RGS7: variants seen among roughly 807,000 people sequenced by gnomAD.
RGS7 encodes the protein regulator of G-protein signaling 7.
A neutral mutation model predicts 81.1 loss-of-function variants in RGS7; 27 were observed. The ratio of observed to expected loss-of-function variants is 0.33; its 90% CI spans 0.25 to 0.46. The LOEUF is 0.46. RGS7 is among the 20% of genes least tolerant of loss of function. The probability of loss-of-function intolerance (pLI) is 1.00; values close to 1 mark genes in which losing one functional copy is unlikely to be tolerated. For missense variants in RGS7, 396 were observed against 607.4 expected (o/e 0.65, Z 3.66); for synonymous variants, 208 against 207.7 (o/e 1.00, Z -0.01).
At chr1:240,783,020 A>G (rs1296453030) in intron 18 of RGS7, among the ~76,000 whole-genome samples, 1 of 152,214 alleles carries the variant, frequency 6.6e-6, no homozygotes, top group Non-Finnish European at 1.5e-5. Context: ...TAATGGAAAT[A>G]TGCTAGAAAA....
intron 9 of RGS7, among the ~76,000 whole-genome samples, chr1:240,855,211 A>G (rs1051788141): frequency 2.7e-5 from 4 of 150,562 alleles, no homozygotes; most frequent in African/African-American, 9.8e-5. Context: ...TGCAAACAAT[A>G]TAATATTTAT....
chr1:240,898,162 T>G (rs897425554), intron 6 of RGS7, among the ~76,000 whole-genome samples: 1 of 152,220 alleles, frequency 6.6e-6, no homozygotes, highest in Non-Finnish European at 1.5e-5. Context: ...ATCTATTTGA[T>G]TCTTCTCTCT....
chr1:241,026,574 G>C (rs993384412), intron 3 of RGS7, among the ~76,000 whole-genome samples: 3 of 151,738 alleles, frequency 2.0e-5, no homozygotes, highest in African/African-American at 7.3e-5. Context: ...GTGTGACAGA[G>C]TGAGACTCTG....
At position 240,855,137 on chromosome 1, in the gene RGS7, T is replaced by C. The variant is rs75097799; in HGVS notation, c.609+13450A>G. Among the ~76,000 whole-genome samples, 193 of 152,138 alleles carry C rather than the reference T, an allele frequency of 1.3e-3. 4 individuals carry two copies. The East Asian group carries it at 0.036, about 28-fold the overall frequency. On this transcript the variant is annotated intron_variant, in intron 9 of 18. Transcript: ENST00000440928. ...TGTCTCTTAACTGTTTCTCTAGGTA[T>C]CTATTTTTATAAACAAAATTGGGAT...
chr1:241,341,329 T>C (rs1015715626), intron 2 of RGS7, among the ~76,000 whole-genome samples: 2 of 152,174 alleles, frequency 1.3e-5, no homozygotes, highest in Non-Finnish European at 2.9e-5. Context: ...TTAGCCTCCA[T>C]AAAAATCATC....
intron 9 of RGS7, among the ~76,000 whole-genome samples, chr1:240,832,872 A>G (rs1694079758): frequency 6.6e-6 from 1 of 152,146 alleles, no homozygotes; most frequent in African/African-American, 2.4e-5. Flanking sequence ...TCAGGTTTCA[A>G]ATATGCATAG....
intron 2 of RGS7, among the ~76,000 whole-genome samples, chr1:241,113,964 T>C (rs553346469): frequency 2.0e-5 from 3 of 152,220 alleles, no homozygotes; most frequent in African/African-American, 7.2e-5. Context: ...ATTTCTTTTG[T>C]TCTCTTTTAC....
intron 2 of RGS7, among the ~76,000 whole-genome samples, chr1:241,299,320 C>G (rs1354696813): frequency 6.6e-6 from 1 of 151,898 alleles, no homozygotes; most frequent in African/African-American, 2.4e-5. Context: ...ATACACTGAC[C>G]ATATCTTGTG....
chr1:240,950,783 C>T, intron 4 of RGS7, among the ~76,000 whole-genome samples: 1 of 152,152 alleles, frequency 6.6e-6, no homozygotes, highest in East Asian at 1.9e-4. Context: ...AATAAAAGCA[C>T]TAGAGGAATT....
intron 2 of RGS7, among the ~76,000 whole-genome samples, chr1:241,148,037 T>C (rs1572890267): frequency 6.9e-6 from 1 of 144,920 alleles, no homozygotes; most frequent in East Asian, 2.0e-4. Context: ...TCAAATTTTC[T>C]TTCTTTTCTT....
In RGS7 at chr1:241,355,802, A is replaced by T; in HGVS notation, c.-26T>A. ...GTCACCCAAAACTTGGTCCACTCTCAAGATACAAGAATTATCAGTGTGCCC... is the reference window on the plus strand; with the variant it reads ...GTCACCCAAAACTTGGTCCACTCTCTAGATACAAGAATTATCAGTGTGCCC... On this transcript the variant is annotated 5_prime_UTR_variant, in exon 2 of 19. Transcript: ENST00000440928. 2 of 1,593,788 alleles carry T rather than the reference A, an allele frequency of 1.3e-6. No individual in the cohort carries two copies. Among genetic ancestry groups the T allele is most frequent in the East Asian group, 4.5e-5 (2 of 44,792 alleles).
intron 5 of RGS7, among the ~76,000 whole-genome samples, chr1:240,932,227 C>T (rs959359696): frequency 3.3e-5 from 5 of 152,082 alleles, no homozygotes; most frequent in African/African-American, 1.2e-4. Context: ...TCCGTTCTTT[C>T]TTGGGAATTA....
intron 3 of RGS7, among the ~76,000 whole-genome samples, chr1:241,006,603 A>T (rs2058697150): frequency 6.6e-6 from 1 of 152,222 alleles, no homozygotes; most frequent in Non-Finnish European, 1.5e-5. Context: ...TTGGAAGCTC[A>T]AGAGACTTCT....
chr1:241,138,290 A>G (rs775212924), intron 2 of RGS7, among the ~76,000 whole-genome samples: 3 of 152,198 alleles, frequency 2.0e-5, no homozygotes, highest in Non-Finnish European at 4.4e-5. Context: ...TGATACAGGT[A>G]TCAGAAATGG....
intron 2 of RGS7, among the ~76,000 whole-genome samples, chr1:241,142,006 C>T (rs1417584913): frequency 6.6e-6 from 1 of 152,258 alleles, no homozygotes; most frequent in Non-Finnish European, 1.5e-5. Context: ...AAAGGGGCTG[C>T]AGGCCCCATG....
At chr1:241,330,855 T>C (rs2081939264) in intron 2 of RGS7, among the ~76,000 whole-genome samples, 2 of 152,186 alleles carry the variant, frequency 1.3e-5, no homozygotes, top group Admixed American at 6.5e-5. Context: ...TGAGTGATGC[T>C]TTCAATAAAA....
At chr1:241,339,825 T>C (rs1413600497) in intron 2 of RGS7, among the ~76,000 whole-genome samples, 1 of 152,182 alleles carries the variant, frequency 6.6e-6, no homozygotes. Flanking sequence ...CCTAGCAGTG[T>C]AGGAGCCTGG....
At chr1:240,807,436 C>A (rs1689056433) in intron 14 of RGS7, among the ~76,000 whole-genome samples, 1 of 152,070 alleles carries the variant, frequency 6.6e-6, no homozygotes, top group South Asian at 2.1e-4. Flanking sequence ...GCTACAGAGT[C>A]TTAAGAGAGG....
chr1:241,146,024 C>A (rs2068286707), intron 2 of RGS7, among the ~76,000 whole-genome samples: 1 of 152,116 alleles, frequency 6.6e-6, no homozygotes, highest in South Asian at 2.1e-4. Flanking sequence ...CGTTTTTTAT[C>A]TCTTGGCTGA....
Sources: gnomAD v4.1 joint callset for allele counts (sites outside exome capture counted in the v4.1 genomes callset) on GRCh38, gnomAD v4.1.1 for gene constraint, MANE v1.5 for transcripts, NCBI Gene and HGNC (gene_info 2026-07-23, HGNC 2026-07-21) for gene names.